The following CAMTA1 variants were observed in gnomAD, a reference collection of about 807,000 sequenced individuals.
CAMTA1 encodes the protein calmodulin binding transcription activator 1, also known as calmodulin-binding transcription activator 1.
Under a neutral mutation model 170.9 loss-of-function variants are expected in CAMTA1, and 27 were observed. That is an observed-to-expected ratio of 0.16 (90% CI 0.12 to 0.22). The LOEUF is 0.22. CAMTA1 is among the 10% of genes least tolerant of loss of function. The pLI is 1.00. For synonymous variants in CAMTA1, 833 were observed against 891.5 expected, an observed-to-expected ratio of 0.93 and a Z score of 1.17; for missense variants, 1,619 against 2,217.2, an observed-to-expected ratio of 0.73 and a Z score of 5.42.
intron 5 of CAMTA1, among the ~76,000 whole-genome samples, chr1:7,266,712 G>A (rs1480362928): frequency 2.0e-5 from 3 of 152,222 alleles, no homozygotes; most frequent in African/African-American, 2.4e-5. Flanking sequence ...CCTTGGTGAC[G>A]GAGGAGGCAG....
intron 1 of CAMTA1, among the ~76,000 whole-genome samples, chr1:6,785,877 C>G (rs1425407571): frequency 6.8e-6 from 1 of 146,828 alleles, no homozygotes; most frequent in African/African-American, 2.5e-5. Flanking sequence ...GAGGAGGAGC[C>G]GGCGGAGGGC....
intron 7 of CAMTA1, among the ~76,000 whole-genome samples, chr1:7,657,133 C>A (rs569114284): frequency 6.6e-6 from 1 of 152,230 alleles, no homozygotes; most frequent in African/African-American, 2.4e-5. Context: ...GCCAGTGTGA[C>A]CATCCTGCCT....
At chr1:7,103,917 C>T (rs1217990243) in intron 4 of CAMTA1, among the ~76,000 whole-genome samples, 1 of 148,474 alleles carries the variant, frequency 6.7e-6, no homozygotes, top group Non-Finnish European at 1.5e-5. Flanking sequence ...CGCGCACTCA[C>T]ACATACACAC....
intron 5 of CAMTA1, among the ~76,000 whole-genome samples, chr1:7,316,886 A>G (rs1416827215): frequency 6.6e-6 from 1 of 152,196 alleles, no homozygotes; most frequent in East Asian, 1.9e-4. Flanking sequence ...TTCCCCCCAT[A>G]CAAATGGGGT....
chr1:6,942,766 C>T (rs1686862957), intron 3 of CAMTA1, among the ~76,000 whole-genome samples: 1 of 152,250 alleles, frequency 6.6e-6, no homozygotes, highest in Non-Finnish European at 1.5e-5. Context: ...CAGGTCTGCC[C>T]TGAGAGGCCT....
intron 4 of CAMTA1, among the ~76,000 whole-genome samples, chr1:7,151,404 G>A (rs908906024): frequency 2.0e-5 from 3 of 152,184 alleles, no homozygotes; most frequent in South Asian, 4.2e-4. Context: ...ATTGCCCAGC[G>A]AGGCTGCCTG....
chr1:7,116,141 G>A (rs776302007), intron 4 of CAMTA1, among the ~76,000 whole-genome samples: 1 of 152,080 alleles, frequency 6.6e-6, no homozygotes, highest in Non-Finnish European at 1.5e-5. Context: ...GGTTTTCCCT[G>A]TCTTTCCTCC....
intron 3 of CAMTA1, among the ~76,000 whole-genome samples, chr1:6,903,563 G>A (rs1677609947): frequency 1.3e-5 from 2 of 152,152 alleles, no homozygotes; most frequent in Admixed American, 1.3e-4. Context: ...ACTGAAGCAC[G>A]AGGAAAGACT....
chr1:7,416,886 G>A (rs907050734), intron 5 of CAMTA1, among the ~76,000 whole-genome samples: 1 of 152,026 alleles, frequency 6.6e-6, no homozygotes, highest in African/African-American at 2.4e-5. Flanking sequence ...CCATCTTTGT[G>A]GTTTTATCTA....
intron 4 of CAMTA1, among the ~76,000 whole-genome samples, chr1:7,197,090 C>CACACACA (rs1558234784): frequency 6.6e-6 from 1 of 152,202 alleles, no homozygotes; most frequent in East Asian, 1.9e-4. Context: ...CACGGGTCAT[C>CACACACA]TGGCATCGTG....
rs542175040 is a variant in CAMTA1 at position 7,202,055 on chromosome 1, A to G, written c.303-47436A>G. The stretch of plus-strand genomic sequence containing the variant: ...TCTTTGATCCATCTGTTTTGAGTTT[A>G]TTTTTGTATATGGTGTGAGATAAGG... On this transcript the variant is annotated intron_variant, in intron 4 of 22. Coordinates refer to ENST00000303635, the MANE Select transcript of CAMTA1 (RefSeq NM_015215.4). Among the ~76,000 whole-genome samples the G allele has an allele frequency of 2.0e-5, 3 of 152,148 alleles. No homozygotes were observed. In the South Asian group the frequency reaches 6.2e-4, roughly 32 times the overall value.
chr1:7,402,754 G>A (rs2089999100), intron 5 of CAMTA1, among the ~76,000 whole-genome samples: 1 of 152,124 alleles, frequency 6.6e-6, no homozygotes. Flanking sequence ...GTGGAGACTT[G>A]GGGGCTGCAC....
chr1:7,729,811 A>G (rs1038850710), intron 11 of CAMTA1, among the ~76,000 whole-genome samples: 1 of 152,256 alleles, frequency 6.6e-6, no homozygotes, highest in African/African-American at 2.4e-5. Context: ...GTGTGCAGGA[A>G]GCATTCTGTG....
rs1647096008 is a variant in CAMTA1 at position 6,826,281 on chromosome 1, T to G, written c.234+1071T>G. Among the ~76,000 whole-genome samples the G allele has an allele frequency of 3.9e-5, 6 of 152,344 alleles. No individual in the cohort carries two copies. The South Asian group carries it at 1.2e-3, about 32-fold the overall frequency. ...GCTTTGTTAACTTGTCTCAACTGAT[T>G]GTAAAATTCTTTGAAGGACTCTATG... On this transcript the variant is annotated intron_variant, in intron 3 of 22. Coordinates refer to ENST00000303635, the MANE Select transcript of CAMTA1 (RefSeq NM_015215.4).
At chr1:7,350,475 C>T (rs2084579827) in intron 5 of CAMTA1, among the ~76,000 whole-genome samples, 1 of 152,172 alleles carries the variant, frequency 6.6e-6, no homozygotes. Context: ...AGAAAGAACT[C>T]AAGGTGGAAA....
chr1:7,486,334 G>A (rs1176468708), intron 6 of CAMTA1, among the ~76,000 whole-genome samples: 1 of 152,190 alleles, frequency 6.6e-6, no homozygotes, highest in Non-Finnish European at 1.5e-5. Context: ...GATATCCATT[G>A]CAAAATTCTC....
intron 3 of CAMTA1, among the ~76,000 whole-genome samples, chr1:6,942,072 TTTTTC>T (rs1440237318): frequency 9.4e-5 from 10 of 106,378 alleles, no homozygotes; most frequent in South Asian, 5.7e-4. Flanking sequence ...TCTTTTTTCT[TTTTTC>T]TTTTTTTTTT....
At chr1:6,909,420 A>C (rs1679246461) in intron 3 of CAMTA1, among the ~76,000 whole-genome samples, 1 of 152,250 alleles carries the variant, frequency 6.6e-6, no homozygotes, top group Admixed American at 6.5e-5. Context: ...GGTTGGAAGC[A>C]GGCACAATTT....
intron 5 of CAMTA1, among the ~76,000 whole-genome samples, chr1:7,260,114 G>C (rs556490780): frequency 1.1e-3 from 172 of 152,322 alleles, no homozygotes; most frequent in African/African-American, 4.0e-3. Flanking sequence ...ATAGGCAATA[G>C]TCAAGGAATG....
Sources: gnomAD v4.1 joint callset for allele counts (sites outside exome capture counted in the v4.1 genomes callset) on GRCh38, gnomAD v4.1.1 for gene constraint, MANE v1.5 for transcripts, NCBI Gene and HGNC (gene_info 2026-07-23, HGNC 2026-07-21) for gene names.